The following TBC1D22B variants were observed in gnomAD, a reference collection of about 807,000 sequenced individuals.
The protein encoded by TBC1D22B is TBC1 domain family member 22B, also known as chromosome 6 open reading frame 197.
TBC1D22B carries 32 observed loss-of-function variants against 69.1 expected under a neutral mutation model. That is an observed-to-expected ratio of 0.46 (90% CI 0.35 to 0.62). TBC1D22B has a LOEUF of 0.62. Ranked by LOEUF, TBC1D22B falls within the 20% of genes least tolerant of loss-of-function variation. The pLI is 0.00. For synonymous variants in TBC1D22B, 206 were observed against 229.8 expected, an observed-to-expected ratio of 0.90 and a Z score of 0.94; for missense variants, 462 against 630.9, an observed-to-expected ratio of 0.73 and a Z score of 2.87.
chr6:37,295,660 C>A, intron 8 of TBC1D22B: 1 of 426,778 alleles, frequency 2.3e-6, no homozygotes, highest in South Asian at 2.0e-5. Flanking sequence ...TCTTACAGAT[C>A]AAATAAGGTT....
intron 1 of TBC1D22B, among the ~76,000 whole-genome samples, chr6:37,260,542 T>C (rs1241933041): frequency 1.3e-5 from 2 of 152,240 alleles, no homozygotes; most frequent in East Asian, 3.8e-4. Context: ...GTATTTAGTA[T>C]ATTCATTTAT....
chr6:37,276,343 C>T (rs1766672110), intron 2 of TBC1D22B, among the ~76,000 whole-genome samples: 1 of 152,174 alleles, frequency 6.6e-6, no homozygotes, highest in African/African-American at 2.4e-5. Flanking sequence ...GTGAAACCAA[C>T]CCCTTCCTCC....
chr6:37,328,532 A>G (rs1768494943), intron 12 of TBC1D22B, among the ~76,000 whole-genome samples: 1 of 152,220 alleles, frequency 6.6e-6, no homozygotes, highest in South Asian at 2.1e-4. Flanking sequence ...TTGGATATTG[A>G]AAATATCTAC....
At chr6:37,299,798 T>G (rs1767506203) in intron 8 of TBC1D22B, among the ~76,000 whole-genome samples, 1 of 151,892 alleles carries the variant, frequency 6.6e-6, no homozygotes, top group African/African-American at 2.4e-5. Context: ...TCACATGAGA[T>G]CAGGAGTTCC....
Position 37,331,103 on chromosome 6 carries a change from G to T in TBC1D22B, c.1449G>T (p.Gly483=), listed in dbSNP as rs558464400. The T allele has an allele frequency of 1.2e-6, 2 of 1,613,990 alleles. No homozygotes were observed. Among genetic ancestry groups the T allele is most frequent in the African/African-American group, 2.7e-5 (2 of 74,908 alleles). Residue 483 remains glycine, a synonymous_variant, in exon 13 of 13, where the codon GGG becomes GGT. Coordinates refer to ENST00000373491, the MANE Select transcript of TBC1D22B (RefSeq NM_017772.4). ...PTIHWGNEEI[G]LLLAEAYRLK... is the part of the protein sequence containing the mutation. ...TACACTGGGGCAACGAAGAAATTGG[G>T]CTGCTTCTCGCCGAGGCATACAGAC...
intron 3 of TBC1D22B, among the ~76,000 whole-genome samples, chr6:37,280,519 A>G (rs1766791317): frequency 6.6e-6 from 1 of 152,210 alleles, no homozygotes; most frequent in Non-Finnish European, 1.5e-5. Context: ...AGTGCCATGC[A>G]CAGATAGGCA....
At chr6:37,274,554 A>G (rs774808745) in intron 2 of TBC1D22B, among the ~76,000 whole-genome samples, 2 of 152,194 alleles carry the variant, frequency 1.3e-5, no homozygotes, top group African/African-American at 2.4e-5. Context: ...CCTTGGGCAC[A>G]TTACTGAAAC....
chr6:37,293,722 G>A (rs1767266995), intron 8 of TBC1D22B, among the ~76,000 whole-genome samples: 2 of 152,232 alleles, frequency 1.3e-5, no homozygotes, highest in African/African-American at 4.8e-5. Context: ...CAAAAGCTGA[G>A]ACAGACTGAA....
At chr6:37,262,535 C>CAAGTT (rs1437122664) in intron 1 of TBC1D22B, among the ~76,000 whole-genome samples, 2 of 152,110 alleles carry the variant, frequency 1.3e-5, no homozygotes, top group African/African-American at 4.8e-5. Context: ...AAAGAGAGGC[C>CAAGTT]AAGTTAAGAA....
chr6:37,288,741 C>CA lies in TBC1D22B; in HGVS notation c.867+1686dup, dbSNP rs1279008478. Among the ~76,000 whole-genome samples, 658 of 73,816 alleles carry CA rather than the reference C, an allele frequency of 8.9e-3. 1 individual carries two copies. The highest frequency in any genetic ancestry group is 0.014 in the East Asian group (34 of 2,432). The allele number at this position is 73,816 out of a possible 152,430, so 48.4% of individuals were successfully genotyped here. ...TGGGTGACAGAGCAAGATCCTGTCT[C>CA]AAAAAAAAAAAAAAAAAGAGGTTGG... On this transcript the variant is annotated intron_variant, in intron 7 of 12. Transcript: ENST00000373491.
rs377244682 is a variant in TBC1D22B, at chr6:37,281,416, CAGTTT to C, written c.422-768_422-764del. Among the ~76,000 whole-genome samples the C allele has an allele frequency of 5.2e-3, 787 of 152,286 alleles. 9 individuals carry two copies. Among genetic ancestry groups the C allele is most frequent in the African/African-American group, 0.017 (721 of 41,558 alleles). ...GAAATGTCAAGAACAAGACAGAGTT[CAGTTT>C]GAGTCTTTGTTTGTTATTTCAGTCA... On this transcript the variant is annotated intron_variant, in intron 3 of 12. Coordinates refer to ENST00000373491, the MANE Select transcript of TBC1D22B (RefSeq NM_017772.4).
intron 8 of TBC1D22B, among the ~76,000 whole-genome samples, chr6:37,310,535 G>A (rs1180451172): frequency 6.6e-6 from 1 of 152,156 alleles, no homozygotes; most frequent in East Asian, 1.9e-4. Flanking sequence ...AGGCATAGTG[G>A]CTCATGCCTG....
chr6:37,278,025 G>T (rs557106486), intron 2 of TBC1D22B, among the ~76,000 whole-genome samples: 1 of 151,768 alleles, frequency 6.6e-6, no homozygotes, highest in Admixed American at 6.5e-5. Flanking sequence ...TCAGGAAGCT[G>T]AGGTGGAAGG....
intron 10 of TBC1D22B, among the ~76,000 whole-genome samples, chr6:37,314,203 A>G (rs756283885): frequency 6.6e-6 from 1 of 152,084 alleles, no homozygotes; most frequent in Non-Finnish European, 1.5e-5. Flanking sequence ...CTTCCTCCTC[A>G]GAGGGCTTGC....
At chr6:37,306,833 C>T (rs1767732173) in intron 8 of TBC1D22B, among the ~76,000 whole-genome samples, 1 of 152,226 alleles carries the variant, frequency 6.6e-6, no homozygotes, top group Non-Finnish European at 1.5e-5. Context: ...GCTGTATGGT[C>T]AGCTAAGCAG....
chr6:37,328,079 T>G (rs943868653), intron 12 of TBC1D22B, among the ~76,000 whole-genome samples: 9 of 144,884 alleles, frequency 6.2e-5, no homozygotes, highest in African/African-American at 2.5e-4. Context: ...TTTGGGAGGC[T>G]GAGGCGGGCG....
chr6:37,261,944 AGTGTGTGT>A (rs70977641), intron 1 of TBC1D22B, among the ~76,000 whole-genome samples: 1,447 of 118,774 alleles, frequency 0.012, 15 homozygotes, highest in Middle Eastern at 0.036. Flanking sequence ...AGCTTTGGTC[AGTGTGTGT>A]GTGTGTGTGT....
In TBC1D22B at chr6:37,331,405, C is replaced by T. The variant is rs1768579282; in HGVS notation, c.*233C>T. 2 of 474,722 alleles carry T rather than the reference C, an allele frequency of 4.2e-6. No homozygotes were observed. Among genetic ancestry groups the T allele is most frequent in the Admixed American group, 6.9e-5 (2 of 29,036 alleles). 29.4% of individuals were successfully genotyped at this position (474,722 alleles called of 1,614,324 possible). ...GGATGGGCCCAGTTCTGGGAGAGGA[C>T]AGAAAAGGTGGTACAGGGTTGTCTG... On this transcript the variant is annotated 3_prime_UTR_variant, in exon 13 of 13. Transcript: ENST00000373491.
intron 8 of TBC1D22B, among the ~76,000 whole-genome samples, chr6:37,301,666 T>A (rs1405852874): frequency 1.3e-5 from 2 of 152,222 alleles, no homozygotes; most frequent in Non-Finnish European, 2.9e-5. Flanking sequence ...TCCAAAGAAA[T>A]ACAGACTTCT....
Sources: gnomAD v4.1 joint callset for allele counts (sites outside exome capture counted in the v4.1 genomes callset) on GRCh38, gnomAD v4.1.1 for gene constraint, MANE v1.5 for transcripts, NCBI Gene and HGNC (gene_info 2026-07-23, HGNC 2026-07-21) for gene names.